Variants in CAMK4 observed in about 807,000 individuals in gnomAD.
The protein encoded by CAMK4 is calcium/calmodulin dependent protein kinase IV, also known as calcium/calmodulin-dependent protein kinase type IV.
Under a neutral mutation model 44.9 loss-of-function variants are expected in CAMK4, and 22 were observed. That is an observed-to-expected ratio of 0.49 (90% CI 0.35 to 0.70). The LOEUF (loss-of-function observed/expected upper bound fraction) is 0.70. Among genes scored for constraint, CAMK4 ranks in the 30% least tolerant of loss-of-function variants. CAMK4 has a pLI of 0.01. For missense variants in CAMK4, 498 were observed against 586.8 expected (o/e 0.85, Z 1.56); for synonymous variants, 218 against 215.4 (o/e 1.01, Z -0.11).
chr5:111,386,402 C>T (rs1320441933), intron 4 of CAMK4, among the ~76,000 whole-genome samples: 1 of 152,138 alleles, frequency 6.6e-6, no homozygotes, highest in Non-Finnish European at 1.5e-5. Context: ...TAGTCATCTA[C>T]AGTTATTATG....
intron 7 of CAMK4, among the ~76,000 whole-genome samples, chr5:111,454,175 C>T (rs1055147276): frequency 1.3e-5 from 2 of 152,252 alleles, no homozygotes; most frequent in Non-Finnish European, 1.5e-5. Flanking sequence ...ATATAATTGA[C>T]AGAGATGAGA....
chr5:111,320,538 C>T (rs1480293436), intron 1 of CAMK4, among the ~76,000 whole-genome samples: 6 of 152,096 alleles, frequency 3.9e-5, no homozygotes, highest in South Asian at 2.1e-4. Context: ...GATGGAGTTT[C>T]GCTCGTTGCC....
intron 1 of CAMK4, among the ~76,000 whole-genome samples, chr5:111,254,316 T>C (rs1462086505): frequency 5.3e-5 from 8 of 152,172 alleles, no homozygotes; most frequent in Admixed American, 3.3e-4. Context: ...GAAGTCACTG[T>C]GGACAAGACC....
chr5:111,326,339 A>G (rs1748886463), intron 1 of CAMK4, among the ~76,000 whole-genome samples: 1 of 151,998 alleles, frequency 6.6e-6, no homozygotes, highest in Non-Finnish European at 1.5e-5. Context: ...TAATACATTC[A>G]ACAAACTAAA....
intron 1 of CAMK4, among the ~76,000 whole-genome samples, chr5:111,256,160 A>G (rs1377052176): frequency 6.6e-6 from 1 of 152,238 alleles, no homozygotes; most frequent in Non-Finnish European, 1.5e-5. Flanking sequence ...CTCAAGGGCC[A>G]TATGTTAGTG....
intron 1 of CAMK4, among the ~76,000 whole-genome samples, chr5:111,260,770 T>C (rs1464985917): frequency 1.3e-5 from 2 of 152,156 alleles, no homozygotes; most frequent in African/African-American, 4.8e-5. Context: ...TCCTGCACCT[T>C]ATCTATACCC....
rs144461256 is a variant in CAMK4 at position 111,309,842 on chromosome 5, A to T, written c.162-34182A>T. Among the ~76,000 whole-genome samples the T allele has an allele frequency of 3.3e-5, 5 of 152,304 alleles. No individual in the cohort carries two copies. In the East Asian group the frequency reaches 7.7e-4, roughly 24 times the overall value. ...TGGAATTCATTCCATCTTTAGGACCACTGGTGGTCTCAGTGTCATGTGGAG... is the reference window on the plus strand; with the variant it reads ...TGGAATTCATTCCATCTTTAGGACCTCTGGTGGTCTCAGTGTCATGTGGAG... On this transcript the variant is annotated intron_variant, in intron 1 of 10. Coordinates refer to ENST00000282356, the MANE Select transcript of CAMK4 (RefSeq NM_001744.6).
intron 1 of CAMK4, among the ~76,000 whole-genome samples, chr5:111,333,692 G>T (rs1478902504): frequency 6.6e-6 from 1 of 151,626 alleles, no homozygotes; most frequent in East Asian, 1.9e-4. Flanking sequence ...GTCACAACTG[G>T]ATGCTGTTAG....
chr5:111,238,126 C>T (rs987403062), intron 1 of CAMK4, among the ~76,000 whole-genome samples: 1 of 152,164 alleles, frequency 6.6e-6, no homozygotes, highest in African/African-American at 2.4e-5. Context: ...CCACTCCTTA[C>T]CAGCTTTACT....
rs577514821 is a variant in CAMK4 at position 111,331,722 on chromosome 5, A to G, written c.162-12302A>G. Among the ~76,000 whole-genome samples the G allele has an allele frequency of 3.3e-5, 5 of 151,806 alleles. No homozygotes were observed. The South Asian group carries it at 1.0e-3, about 31-fold the overall frequency. On this transcript the variant is annotated intron_variant, in intron 1 of 10. Transcript: ENST00000282356. ...GATTACATATCTCTGTTTACCAAGGATAGTCCTGATTTATATATATGGTTT... is the reference window on the plus strand; with the variant it reads ...GATTACATATCTCTGTTTACCAAGGGTAGTCCTGATTTATATATATGGTTT...
At chr5:111,277,465 C>T (rs1489177373) in intron 1 of CAMK4, 1 of 152,320 alleles carries the variant, frequency 6.6e-6, no homozygotes, top group East Asian at 1.9e-4. Flanking sequence ...GTTGCAATTT[C>T]AACAGACTAG....
intron 5 of CAMK4, among the ~76,000 whole-genome samples, chr5:111,398,432 G>A (rs1408110064): frequency 2.0e-5 from 3 of 152,058 alleles, no homozygotes; most frequent in Admixed American, 2.0e-4. Flanking sequence ...ACACCAAAAG[G>A]CATACCTTTT....
chr5:111,303,843 G>A (rs2112653998), intron 1 of CAMK4, among the ~76,000 whole-genome samples: 1 of 139,456 alleles, frequency 7.2e-6, no homozygotes, highest in East Asian at 2.1e-4. Context: ...GGCAGCCAGA[G>A]AGAAAGGTCG....
At chr5:111,454,488 A>G (rs1754346559) in intron 7 of CAMK4, among the ~76,000 whole-genome samples, 1 of 152,180 alleles carries the variant, frequency 6.6e-6, no homozygotes, top group Admixed American at 6.5e-5. Flanking sequence ...TTTCCTTGGA[A>G]ATGTGCCCAG....
intron 1 of CAMK4, among the ~76,000 whole-genome samples, chr5:111,227,193 A>G (rs1748232610): frequency 6.6e-6 from 1 of 152,222 alleles, no homozygotes; most frequent in Non-Finnish European, 1.5e-5. Flanking sequence ...TATTCTAGAT[A>G]TAATTATTAA....
intron 2 of CAMK4, among the ~76,000 whole-genome samples, chr5:111,346,581 T>G (rs1749879222): frequency 6.6e-6 from 1 of 151,770 alleles, no homozygotes; most frequent in South Asian, 2.1e-4. Flanking sequence ...TACCACAAAC[T>G]AGATGACTTA....
intron 5 of CAMK4, among the ~76,000 whole-genome samples, chr5:111,438,376 G>C (rs368511584): frequency 6.6e-6 from 1 of 152,238 alleles, no homozygotes; most frequent in Admixed American, 6.5e-5. Flanking sequence ...GTTAATGTGA[G>C]AATAGATATA....
intron 6 of CAMK4, among the ~76,000 whole-genome samples, chr5:111,448,637 C>G (rs2112976469): frequency 6.6e-6 from 1 of 152,194 alleles, no homozygotes; most frequent in East Asian, 1.9e-4. Flanking sequence ...AACTCCGTCT[C>G]TACTAAAAAT....
intron 4 of CAMK4, among the ~76,000 whole-genome samples, chr5:111,390,085 A>T (rs1751744964): frequency 1.3e-5 from 2 of 152,220 alleles, no homozygotes; most frequent in African/African-American, 4.8e-5. Context: ...AAAATTTCAT[A>T]GGTTTGTAAG....
Sources: gnomAD v4.1 joint callset for allele counts (sites outside exome capture counted in the v4.1 genomes callset) on GRCh38, gnomAD v4.1.1 for gene constraint, MANE v1.5 for transcripts, NCBI Gene and HGNC (gene_info 2026-07-23, HGNC 2026-07-21) for gene names.